RGPD2: variants seen among roughly 807,000 people sequenced by gnomAD.
RGPD2 encodes the protein RANBP2-like and GRIP domain-containing protein 2.
In RGPD2, 2 loss-of-function variants were observed where a neutral mutation model predicts 36.0. The observed-to-expected ratio is 0.06, with a 90% CI of 0.02 to 0.17. The LOEUF (loss-of-function observed/expected upper bound fraction) is 0.17. RGPD2 is among the 10% of genes least tolerant of loss of function. The pLI is 1.00. For synonymous variants in RGPD2, 19 were observed against 163.8 expected (o/e 0.12, Z 6.75); for missense variants, 40 against 464.3 (o/e 0.09, Z 8.40).
At chr2:87,818,739 TAA>T (rs1327896931) in intron 1 of RGPD2, 116 bp from the exon 2 acceptor site, 1 of 546,758 alleles carries the variant, frequency 1.8e-6, no homozygotes, top group Non-Finnish European at 3.3e-6. Flanking sequence ...TTCATTCACT[TAA>T]AAGTTTTTTT....
At chr2:87,988,547 T>TTGTTTTG in the RGPD2 span, among the ~76,000 whole-genome samples, 5 of 33,082 alleles carry the variant, frequency 1.5e-4, no homozygotes, top group African/African-American at 2.5e-4. Context: ...ATATATTTTT[T>TTGTTTTG]TTTTTTCTTT....
At chr2:87,813,231 CCT>C (rs1686174196) in intron 4 of RGPD2, among the ~76,000 whole-genome samples, 1 of 151,962 alleles carries the variant, frequency 6.6e-6, no homozygotes, top group African/African-American at 2.4e-5. Context: ...CAACTAATTC[CCT>C]CTTTTCCTCA....
At chr2:87,832,801 TA>T in the RGPD2 span, among the ~76,000 whole-genome samples, 1 of 147,268 alleles carries the variant, frequency 6.8e-6, no homozygotes, top group East Asian at 2.0e-4. Flanking sequence ...AAAAAAAAAA[TA>T]AAAATTAGCC....
chr2:87,929,475 T>TGTGTGTGTG, the RGPD2 span, among the ~76,000 whole-genome samples: 1 of 147,382 alleles, frequency 6.8e-6, no homozygotes, highest in Non-Finnish European at 1.5e-5. Flanking sequence ...TTTGTTTTTT[T>TGTGTGTGTG]TGTGTGTGTG....
At chr2:87,905,610 TGAG>T in the RGPD2 span, among the ~76,000 whole-genome samples, 1 of 151,568 alleles carries the variant, frequency 6.6e-6, no homozygotes, top group African/African-American at 2.4e-5. Flanking sequence ...ATTCCGATGA[TGAG>T]GAGGGGTGGA....
At chr2:87,832,748 A>T in the RGPD2 span, among the ~76,000 whole-genome samples, 1 of 151,734 alleles carries the variant, frequency 6.6e-6, no homozygotes, top group Admixed American at 6.6e-5. Flanking sequence ...TTGAGTCTAG[A>T]AGTTTGAGAC....
the RGPD2 span, among the ~76,000 whole-genome samples, chr2:87,963,761 G>T: frequency 4.8e-5 from 6 of 125,712 alleles, no homozygotes; most frequent in Admixed American, 1.6e-4. Context: ...AGTAAAAATG[G>T]TATCATTAAT....
chr2:87,772,758 A>G (rs1253550664), intron 21 of RGPD2, among the ~76,000 whole-genome samples: 2 of 144,206 alleles, frequency 1.4e-5, no homozygotes, highest in Admixed American at 1.4e-4. Context: ...TAGATGAGAT[A>G]ACGTCAAGAC....
chr2:87,861,197 C>CAGAT, the RGPD2 span, among the ~76,000 whole-genome samples: 2 of 149,208 alleles, frequency 1.3e-5, no homozygotes, highest in African/African-American at 4.9e-5. Flanking sequence ...AAGATTTTAC[C>CAGAT]AGATAGAAAT....
At chr2:87,974,980 A>G in the RGPD2 span, among the ~76,000 whole-genome samples, 5 of 152,232 alleles carry the variant, frequency 3.3e-5, no homozygotes, top group East Asian at 9.7e-4. Flanking sequence ...AGGTCACTCA[A>G]GAGTGAAATC....
At chr2:87,985,817 T>C in the RGPD2 span, 2 of 1,611,414 alleles carry the variant, frequency 1.2e-6, no homozygotes, top group South Asian at 2.2e-5. Context: ...GATAACTGGG[T>C]CCTACTGGAG....
chr2:87,830,682 G>GGGGAGGCCTCACAATCATGTC (rs1489368215), upstream of RGPD2, among the ~76,000 whole-genome samples: 38 of 152,322 alleles, frequency 2.5e-4, no homozygotes, highest in African/African-American at 9.1e-4. Context: ...TCACATGGCT[G>GGGGAGGCCTCACAATCATGTC]GGGAGGCCTC....
chr2:87,974,581 T>C, the RGPD2 span, among the ~76,000 whole-genome samples: 19 of 152,326 alleles, frequency 1.2e-4, no homozygotes, highest in African/African-American at 4.6e-4. Context: ...ATCATTCATT[T>C]CAACTAACAT....
the RGPD2 span, among the ~76,000 whole-genome samples, chr2:87,988,541 A>ATATATATATATATATATATTTT: frequency 1.8e-5 from 1 of 54,142 alleles, no homozygotes; most frequent in African/African-American, 4.4e-5. Context: ...ATATATATAT[A>ATATATATATATATATATATTTT]TTTTTTTTTT....
chr2:87,809,537 T>A (rs1574019996), intron 6 of RGPD2, among the ~76,000 whole-genome samples: 1 of 131,346 alleles, frequency 7.6e-6, no homozygotes, highest in African/African-American at 2.8e-5. Flanking sequence ...AGCGTGGTGG[T>A]GGGCGCCTGT....
chr2:87,974,585 C>T, the RGPD2 span, among the ~76,000 whole-genome samples: 1 of 152,190 alleles, frequency 6.6e-6, no homozygotes, highest in Admixed American at 6.5e-5. Flanking sequence ...TTCATTTCAA[C>T]TAACATTTCA....
the RGPD2 span, among the ~76,000 whole-genome samples, chr2:87,897,881 A>G: frequency 6.6e-6 from 1 of 152,070 alleles, no homozygotes; most frequent in Non-Finnish European, 1.5e-5. Flanking sequence ...ATGTTGCAGG[A>G]AAGTTTCAAC....
At chr2:87,962,606 C>G in the RGPD2 span, among the ~76,000 whole-genome samples, 1 of 150,058 alleles carries the variant, frequency 6.7e-6, no homozygotes, top group African/African-American at 2.4e-5. Flanking sequence ...CTTGAGGTAC[C>G]ATTTATCTAT....
the RGPD2 span, among the ~76,000 whole-genome samples, chr2:87,977,504 C>A: frequency 5.8e-4 from 88 of 151,436 alleles, no homozygotes; most frequent in African/African-American, 2.1e-3. Flanking sequence ...CAATCTTGTG[C>A]AAAATGGTCA....
Sources: allele counts gnomAD v4.1 joint callset (sites outside exome capture counted in the v4.1 genomes callset), GRCh38; gene constraint gnomAD v4.1.1; transcripts MANE v1.5; gene names NCBI Gene and HGNC (gene_info 2026-07-23, HGNC 2026-07-21).